DLGAP2: variants seen among roughly 807,000 people sequenced by gnomAD.
DLGAP2 encodes the protein disks large-associated protein 2.
Under a neutral mutation model 100.3 loss-of-function variants are expected in DLGAP2, and 26 were observed. The ratio of observed to expected loss-of-function variants is 0.26; its 90% confidence interval spans 0.19 to 0.36. The LOEUF is 0.36. DLGAP2 is among the 10% of genes least tolerant of loss of function. The pLI, the probability that DLGAP2 is intolerant of heterozygous loss-of-function variation, is 1.00. For synonymous variants in DLGAP2, 886 were observed against 630.1 expected (o/e 1.41, Z -6.08); for missense variants, 1,858 against 1,453.2 (o/e 1.28, Z -4.53).
Position 1,351,128 on chromosome 8 carries a change from G to C in DLGAP2, c.106+92245G>C, listed in dbSNP as rs1273153007. Among the ~76,000 whole-genome samples the C allele has an allele frequency of 2.5e-3, 12 of 4,820 alleles. 4 individuals carry two copies. Among genetic ancestry groups the C allele is most frequent in the Admixed American group, 5.6e-3 (2 of 354 alleles). 3.2% of individuals were successfully genotyped at this position (4,820 alleles called of 152,430 possible). On this transcript the variant is annotated intron_variant, in intron 3 of 14. Coordinates refer to ENST00000637795, the MANE Select transcript of DLGAP2 (RefSeq NM_001346810.2). Reference sequence around the variant, plus strand: ...TGTGGAAAGGCCGTGCAGATCCTGAGTGTGTGTGGAAACACCGTGCGGGTC... The same window carrying C: ...TGTGGAAAGGCCGTGCAGATCCTGACTGTGTGTGGAAACACCGTGCGGGTC...
intron 2 of DLGAP2, among the ~76,000 whole-genome samples, chr8:1,022,847 C>T (rs992022547): frequency 6.6e-6 from 1 of 152,220 alleles, no homozygotes; most frequent in South Asian, 2.1e-4. Flanking sequence ...GAGGTAGACA[C>T]TCCTTCCTTG....
chr8:894,570 G>A (rs548810670), intron 1 of DLGAP2, among the ~76,000 whole-genome samples: 4 of 145,086 alleles, frequency 2.8e-5, no homozygotes, highest in Admixed American at 1.4e-4. Context: ...CTATGACAAG[G>A]CAAATGTATG....
intron 2 of DLGAP2, among the ~76,000 whole-genome samples, chr8:938,346 G>T (rs903949478): frequency 6.6e-6 from 1 of 152,110 alleles, no homozygotes; most frequent in African/African-American, 2.4e-5. Context: ...ACAGGTATGC[G>T]CCACCATGCC....
chr8:866,576 G>A (rs1230564440), intron 1 of DLGAP2, among the ~76,000 whole-genome samples: 2 of 152,162 alleles, frequency 1.3e-5, no homozygotes, highest in Non-Finnish European at 2.9e-5. Flanking sequence ...GGACCAGAGT[G>A]CTGGGGGTCG....
chr8:1,351,549 T>C (rs372484884), intron 3 of DLGAP2, among the ~76,000 whole-genome samples: 2 of 69,940 alleles, frequency 2.9e-5, no homozygotes, highest in Non-Finnish European at 6.0e-5. Context: ...CCTGACTGTG[T>C]GTGGAAAGGA....
At chr8:1,144,399 C>G (rs559468489) in intron 2 of DLGAP2, among the ~76,000 whole-genome samples, 2 of 152,316 alleles carry the variant, frequency 1.3e-5, no homozygotes, top group African/African-American at 4.8e-5. Flanking sequence ...TGTAAGAAAT[C>G]CAGAAGCTGT....
intron 6 of DLGAP2, among the ~76,000 whole-genome samples, chr8:1,579,772 C>G (rs1803149840): frequency 6.6e-6 from 1 of 152,204 alleles, no homozygotes; most frequent in Non-Finnish European, 1.5e-5. Context: ...GCCACGTTCA[C>G]TATTGTGTTA....
intron 5 of DLGAP2, among the ~76,000 whole-genome samples, chr8:1,553,871 C>T (rs1253644417): frequency 6.6e-6 from 1 of 152,214 alleles, no homozygotes; most frequent in African/African-American, 2.4e-5. Flanking sequence ...AAAAACACAT[C>T]TTAAAAGTCC....
chr8:1,256,478 G>A (rs1799220699), intron 2 of DLGAP2, among the ~76,000 whole-genome samples: 1 of 126,284 alleles, frequency 7.9e-6, no homozygotes, highest in Non-Finnish European at 1.5e-5. Flanking sequence ...CTCCTGCCTG[G>A]GTGCTGTGTG....
intron 3 of DLGAP2, among the ~76,000 whole-genome samples, chr8:1,284,182 G>C (rs748917022): frequency 6.6e-6 from 1 of 152,212 alleles, no homozygotes; most frequent in Non-Finnish European, 1.5e-5. Context: ...GCAATTTCCA[G>C]AACAAAGGGC....
At position 1,434,252 on chromosome 8, in the gene DLGAP2, C is replaced by T. The variant is rs930358495; in HGVS notation, c.107-67114C>T. Among the ~76,000 whole-genome samples the T allele has an allele frequency of 5.3e-5, 8 of 152,080 alleles. 1 individual carries two copies. The highest frequency in any genetic ancestry group is 2.0e-4 in the Admixed American group (3 of 15,272). Reference sequence around the variant, plus strand: ...GACTGGCCCTGAGGAAATCTCGTTCCGTTTTCCTGCAGATTATCTGAGTCT... The same window carrying T: ...GACTGGCCCTGAGGAAATCTCGTTCTGTTTTCCTGCAGATTATCTGAGTCT... On this transcript the variant is annotated intron_variant, in intron 3 of 14. Transcript: ENST00000637795.
intron 3 of DLGAP2, among the ~76,000 whole-genome samples, chr8:1,326,820 C>T (rs1297396965): frequency 6.6e-6 from 1 of 152,242 alleles, no homozygotes; most frequent in Non-Finnish European, 1.5e-5. Context: ...TGATTTATCC[C>T]ATTTTCACAG....
At chr8:911,250 A>T (rs1384489013) in intron 2 of DLGAP2, among the ~76,000 whole-genome samples, 2 of 152,064 alleles carry the variant, frequency 1.3e-5, no homozygotes, top group African/African-American at 2.4e-5. Context: ...TCCATTATGG[A>T]TTCTGTTTCT....
intron 14 of DLGAP2, among the ~76,000 whole-genome samples, chr8:1,698,698 G>C (rs796621524): frequency 4.2e-5 from 5 of 118,658 alleles, no homozygotes; most frequent in Non-Finnish European, 8.9e-5. Context: ...GGACTAGGCA[G>C]GTCCACATAA....
chr8:899,437 G>A (rs1198425401), intron 1 of DLGAP2, among the ~76,000 whole-genome samples: 1 of 152,304 alleles, frequency 6.6e-6, no homozygotes, highest in South Asian at 2.1e-4. Context: ...CCAGGATACC[G>A]GCCCTGCATG....
chr8:1,341,469 C>T (rs371501688), intron 3 of DLGAP2, among the ~76,000 whole-genome samples: 1 of 152,098 alleles, frequency 6.6e-6, no homozygotes, highest in African/African-American at 2.4e-5. Flanking sequence ...CACATATAGG[C>T]GTATTTAATG....
intron 2 of DLGAP2, among the ~76,000 whole-genome samples, chr8:1,045,161 A>G (rs1318648357): frequency 6.6e-6 from 1 of 152,234 alleles, no homozygotes; most frequent in Non-Finnish European, 1.5e-5. Flanking sequence ...TGCAATGTCC[A>G]GTCTGCTGCC....
intron 3 of DLGAP2, among the ~76,000 whole-genome samples, chr8:1,438,694 AAT>A (rs1797729649): frequency 6.6e-6 from 1 of 152,230 alleles, no homozygotes; most frequent in African/African-American, 2.4e-5. Flanking sequence ...GATCTATCAC[AAT>A]ACACACTTCA....
chr8:747,369 G>A (rs920630656), intron 1 of DLGAP2, among the ~76,000 whole-genome samples: 3 of 151,994 alleles, frequency 2.0e-5, no homozygotes, highest in African/African-American at 4.8e-5. Flanking sequence ...CATGCTCCGC[G>A]CCAGTCACGC....
Sources: allele counts gnomAD v4.1 joint callset (sites outside exome capture counted in the v4.1 genomes callset), GRCh38; gene constraint gnomAD v4.1.1; transcripts MANE v1.5; gene names NCBI Gene and HGNC (gene_info 2026-07-23, HGNC 2026-07-21).